TNC: variants seen among roughly 807,000 people sequenced by gnomAD.
The protein encoded by TNC is tenascin.
A neutral mutation model predicts 202.4 loss-of-function variants in TNC; 109 were observed. The ratio of observed to expected loss-of-function variants is 0.54; its 90% CI spans 0.46 to 0.63. The LOEUF (loss-of-function observed/expected upper bound fraction) is 0.63, where lower values mean the gene tolerates loss of function less well. Ranked by LOEUF, TNC falls within the 30% of genes least tolerant of loss-of-function variation. The pLI, the probability that TNC is intolerant of heterozygous loss-of-function variation, is 0.00. For synonymous variants in TNC, 1,007 were observed against 1,089.7 expected (o/e 0.92, Z 1.50); for missense variants, 2,756 against 2,833.3 (o/e 0.97, Z 0.62).
rs1372895331 is a variant in TNC, at chr9:115,059,939, T to C, written c.4097A>G (p.Asn1366Ser). ...ATAGGCATTGTCAGCTGCGGTCCAG[T>C]TGAGTCTGAGGCCATCCCAGCCAAC... Reference protein sequence around the residue: ...SEVGWDGLRLNWTAADNAYEH... With the variant: ...SEVGWDGLRLSWTAADNAYEH... The change falls in exon 14 of 28, where the codon AAC becomes AGC. Residue 1366 changes from asparagine (N) to serine (S), a missense_variant. Around this residue, in one of 2 missense-constraint regions of TNC, gnomAD observed 2,559 missense variants for 2,546.0 expected, o/e 1.01. Coordinates refer to ENST00000350763, the MANE Select transcript of TNC (RefSeq NM_002160.4). 5.0e-6 allele frequency: 8 copies of C among 1,613,950 alleles called. No homozygotes were observed. The Admixed American group carries it at 8.3e-5, about 17-fold the overall frequency.
intron 20 of TNC, among the ~76,000 whole-genome samples, chr9:115,037,712 G>C (rs1830439791): frequency 6.6e-6 from 1 of 152,102 alleles, no homozygotes; most frequent in Non-Finnish European, 1.5e-5. Flanking sequence ...ATTTTTAGAA[G>C]AGACGAGGTT....
chr9:115,099,456 C>T (rs994760523), intron 1 of TNC, among the ~76,000 whole-genome samples: 26 of 152,306 alleles, frequency 1.7e-4, no homozygotes, highest in African/African-American at 5.8e-4. Flanking sequence ...TAGATCTTTA[C>T]TCTGCCACTT....
intron 1 of TNC, among the ~76,000 whole-genome samples, chr9:115,101,748 A>C (rs765799613): frequency 9.2e-5 from 14 of 152,204 alleles, no homozygotes; most frequent in African/African-American, 3.4e-4. Flanking sequence ...AGAAACTAGA[A>C]TATCATACAC....
intron 16 of TNC, 103 bp downstream of exon 16, chr9:115,048,157 T>A (rs1831350703): frequency 7.3e-7 from 1 of 1,377,066 alleles, no homozygotes; most frequent in Non-Finnish European, 1.0e-6. Context: ...ATGGATTAAG[T>A]AGGGAATGTG....
At chr9:115,052,662 T>C (rs1217733328) in intron 15 of TNC, 2 of 628,502 alleles carry the variant, frequency 3.2e-6, no homozygotes, top group African/African-American at 3.6e-5. Context: ...AAGATTGTAT[T>C]TTTGTTGAAT....
chr9:115,041,141 T>C, intron 18 of TNC, 57 bp from the exon 19 acceptor site: 2 of 1,537,570 alleles, frequency 1.3e-6, no homozygotes, highest in South Asian at 2.5e-5. Context: ...ACTTATTCAC[T>C]GTTGCCCCCA....
intron 9 of TNC, among the ~76,000 whole-genome samples, chr9:115,075,520 C>T (rs1219225561): frequency 1.3e-5 from 2 of 151,350 alleles, no homozygotes; most frequent in African/African-American, 4.9e-5. Context: ...GACATAGTGA[C>T]TCACACCTGT....
chr9:115,038,336 A>G lies in TNC; in HGVS notation c.5437T>C (p.Ser1813Pro). ...SGLVTANITDSEALARWQPAI... is the reference protein window; with the variant it reads ...SGLVTANITDPEALARWQPAI... ...GGCTGCCACCTGGCCAAGGCTTCTGAGTCAGTGATGTTGGCTGTCACCAGG... is the reference window on the plus strand; with the variant it reads ...GGCTGCCACCTGGCCAAGGCTTCTGGGTCAGTGATGTTGGCTGTCACCAGG... Residue 1813 changes from serine to proline, a missense_variant, in exon 20 of 28, where the codon TCA (serine) becomes CCA (proline). Around this residue, in one of 2 missense-constraint regions of TNC, gnomAD observed 2,559 missense variants for 2,546.0 expected, o/e 1.01. Transcript: ENST00000350763. 1 of 1,614,134 alleles carries G rather than the reference A, an allele frequency of 6.2e-7. No individual in the cohort carries two copies. Among genetic ancestry groups the G allele is most frequent in the Non-Finnish European group, 8.5e-7 (1 of 1,179,976 alleles).
At chr9:115,026,855 G>T (rs927477494) in intron 25 of TNC, among the ~76,000 whole-genome samples, 160 bp from the exon 26 acceptor site, 1 of 150,346 alleles carries the variant, frequency 6.7e-6, no homozygotes, top group African/African-American at 2.4e-5. Flanking sequence ...CAGAGATGGG[G>T]TGGGAGGGGG....
At chr9:115,075,055 G>T (rs767037984) in intron 9 of TNC, among the ~76,000 whole-genome samples, 2 of 152,072 alleles carry the variant, frequency 1.3e-5, no homozygotes, top group Non-Finnish European at 2.9e-5. Flanking sequence ...CTTGCATCCC[G>T]CATAATGTGG....
chr9:115,039,424 T>G (rs759538856), intron 19 of TNC, among the ~76,000 whole-genome samples: 5 of 152,272 alleles, frequency 3.3e-5, no homozygotes, highest in Admixed American at 6.5e-5. Context: ...ATTTGAAGTC[T>G]TAAGTATGGT....
Position 115,060,056 on chromosome 9 carries a change from C to G in TNC, c.4034-54G>C, listed in dbSNP as rs1196864286. 6.0e-6 allele frequency: 9 copies of G among 1,504,892 alleles called. No individual in the cohort carries two copies. In the Admixed American group the frequency reaches 1.9e-4, roughly 32 times the overall value. 93.2% of individuals were successfully genotyped at this position (1,504,892 alleles called of 1,614,324 possible). Reference sequence around the variant, plus strand: ...GTTCTATAAACCAAAAATGAGGAAACCAAACATCCCACAGCCCAACTCTAG... The same window carrying G: ...GTTCTATAAACCAAAAATGAGGAAAGCAAACATCCCACAGCCCAACTCTAG... On this transcript the variant is annotated intron_variant, in intron 13 of 27. Transcript: ENST00000350763.
At chr9:115,088,200 C>T (rs934792076) in intron 2 of TNC, among the ~76,000 whole-genome samples, 8 of 152,142 alleles carry the variant, frequency 5.3e-5, no homozygotes, top group Admixed American at 1.3e-4. Flanking sequence ...GGGGTATATC[C>T]GAGTTAAGTA....
At chr9:115,092,510 A>G (rs748276808) in intron 1 of TNC, among the ~76,000 whole-genome samples, 6 of 152,224 alleles carry the variant, frequency 3.9e-5, no homozygotes, top group Non-Finnish European at 8.8e-5. Context: ...GAAGTCATTC[A>G]TGGTTTTCTT....
chr9:115,100,887 A>G (rs1588213617), intron 1 of TNC, among the ~76,000 whole-genome samples: 1 of 152,188 alleles, frequency 6.6e-6, no homozygotes, highest in East Asian at 1.9e-4. Flanking sequence ...TTATACCTCA[A>G]TAAAGCTGGG....
chr9:115,080,111 T>C (rs1209073843), intron 6 of TNC, among the ~76,000 whole-genome samples: 1 of 151,778 alleles, frequency 6.6e-6, no homozygotes, highest in Admixed American at 6.6e-5. Context: ...AAATACAAAA[T>C]GAACAGGTAA....
chr9:115,081,685 C>T (rs1834314589), intron 6 of TNC, 87 bp downstream of exon 6: 4 of 1,407,230 alleles, frequency 2.8e-6, no homozygotes, highest in South Asian at 1.2e-5. Context: ...GATGTAGATG[C>T]TATATGAGAA....
intron 18 of TNC, 90 bp downstream of exon 18, chr9:115,042,129 G>T (rs1830802494): frequency 2.0e-6 from 3 of 1,515,360 alleles, no homozygotes; most frequent in South Asian, 1.3e-5. Context: ...TGATCATGAT[G>T]TTAGAGGATG....
chr9:115,093,831 C>T (rs767465654), intron 1 of TNC, among the ~76,000 whole-genome samples: 2 of 152,100 alleles, frequency 1.3e-5, no homozygotes, highest in African/African-American at 4.8e-5. Context: ...GTTTAAGAGA[C>T]GTAAACTGGT....
Sources: gnomAD v4.1 joint callset for allele counts (sites outside exome capture counted in the v4.1 genomes callset) on GRCh38, gnomAD v4.1.1 for gene constraint, gnomAD v4.1.1 regional missense constraint, MANE v1.5 for transcripts, NCBI Gene and HGNC (gene_info 2026-07-23, HGNC 2026-07-21) for gene names.